Variants in ZNF320 observed in about 807,000 individuals in gnomAD.
ZNF320 encodes zinc finger gene 320.
A neutral mutation model predicts 6.8 loss-of-function variants in ZNF320; 2 were observed. The ratio of observed to expected loss-of-function variants is 0.29; its 90% CI spans 0.12 to 0.93. The LOEUF (loss-of-function observed/expected upper bound fraction) is 0.93. Among genes scored for constraint, ZNF320 ranks in the 40% least tolerant of loss-of-function variants. ZNF320 has a pLI of 0.55. For synonymous variants in ZNF320, 208 were observed against 203.2 expected, an observed-to-expected ratio of 1.02 and a Z score of -0.20; for missense variants, 472 against 611.0, an observed-to-expected ratio of 0.77 and a Z score of 2.40.
chr19:52,865,680 A>C (rs1260462562), intron 5 of ZNF320, among the ~76,000 whole-genome samples: 14 of 130,938 alleles, frequency 1.1e-4, no homozygotes, highest in African/African-American at 4.2e-4. Context: ...TTATATGATT[A>C]TACATATATA....
chr19:52,865,805 ATATATATGATTATACACATATATT>A (rs1568693420), intron 5 of ZNF320, among the ~76,000 whole-genome samples: 78 of 87,326 alleles, frequency 8.9e-4, no homozygotes, highest in African/African-American at 2.6e-3. Flanking sequence ...ACATATATTT[ATATATATGATTATACACATATATT>A]TATATATGAT....
intron 5 of ZNF320, among the ~76,000 whole-genome samples, chr19:52,865,794 C>G (rs1440467523): frequency 8.4e-6 from 1 of 118,562 alleles, no homozygotes; most frequent in Admixed American, 9.7e-5. Flanking sequence ...TATGATTATA[C>G]ACATATATTT....
downstream of ZNF320, among the ~76,000 whole-genome samples, chr19:52,871,893 G>C (rs1033726566): frequency 1.3e-5 from 2 of 152,200 alleles, no homozygotes; most frequent in African/African-American, 4.8e-5. Flanking sequence ...ATGTTACAAA[G>C]AGAGGAAGCA....
At chr19:52,886,251 G>C (rs1199529879) in intron 5 of ZNF320, among the ~76,000 whole-genome samples, 2 of 152,004 alleles carry the variant, frequency 1.3e-5, no homozygotes, top group Non-Finnish European at 2.9e-5. Flanking sequence ...TCTCCTGCCT[G>C]AGCCTCCTGA....
chr19:52,882,664 A>G (rs2063957993), intron 5 of ZNF320, among the ~76,000 whole-genome samples: 1 of 142,592 alleles, frequency 7.0e-6, no homozygotes, highest in Non-Finnish European at 1.5e-5. Context: ...AAAAAAAGGC[A>G]GGGGGTGGTG....
chr19:52,878,129 C>A lies in ZNF320; in HGVS notation c.*2467G>T. ...CAGACAGCATGAATATGTGTGCCAT[C>A]TCATATGCAATTCCTTATAGATCCA... On this transcript the variant is annotated 3_prime_UTR_variant, in exon 6 of 6. Coordinates refer to ENST00000682928, the MANE Select transcript of ZNF320 (RefSeq NM_001351774.2). 1 of 210,562 alleles carries A rather than the reference C, an allele frequency of 4.7e-6. No individual in the cohort carries two copies. The allele number at this position is 210,562 out of a possible 1,614,324, so 13.0% of individuals were successfully genotyped here.
exon 6 of ZNF320, chr19:52,862,265 G>T: frequency 1.5e-6 from 1 of 686,486 alleles, no homozygotes; most frequent in South Asian, 1.4e-5. Flanking sequence ...CATTACACTT[G>T]TAAGGTTTCT....
exon 6 of ZNF320, chr19:52,864,126 A>T: frequency 3.1e-6 from 1 of 324,138 alleles, no homozygotes; most frequent in South Asian, 3.1e-5. Flanking sequence ...AGCAAAGAGA[A>T]CTCTATAGCC....
At chr19:52,884,181 CTT>C (rs964986248) in intron 5 of ZNF320, among the ~76,000 whole-genome samples, 5 of 152,198 alleles carry the variant, frequency 3.3e-5, no homozygotes, top group African/African-American at 1.2e-4. Context: ...GGATTTCCCA[CTT>C]TCCAAATTCA....
intron 4 of ZNF320, among the ~76,000 whole-genome samples, chr19:52,889,736 A>C (rs370844343): frequency 3.5e-4 from 54 of 152,318 alleles, no homozygotes; most frequent in African/African-American, 1.2e-3. Context: ...TTCCATTCTA[A>C]TTAGTAAGAT....
chr19:52,871,753 A>G (rs940279116), downstream of ZNF320, among the ~76,000 whole-genome samples: 1 of 152,246 alleles, frequency 6.6e-6, no homozygotes, highest in Non-Finnish European at 1.5e-5. Context: ...AGGCAGCTGT[A>G]GCAATGAGAT....
intron 1 of ZNF320, among the ~76,000 whole-genome samples, chr19:52,896,581 C>T (rs1387477105): frequency 6.6e-6 from 1 of 151,940 alleles, no homozygotes; most frequent in Non-Finnish European, 1.5e-5. Context: ...TGGTGGCGCG[C>T]GGCTGTGGTC....
At chr19:52,899,498 T>A (rs535792930), upstream of ZNF320, among the ~76,000 whole-genome samples, 6 of 152,212 alleles carry the variant, frequency 3.9e-5, no homozygotes, top group African/African-American at 1.4e-4. Flanking sequence ...AGTCTCGCTC[T>A]GTCACCCAGG....
chr19:52,867,867 C>T (rs137915919), intron 5 of ZNF320, among the ~76,000 whole-genome samples: 2,412 of 152,254 alleles, frequency 0.016, 45 homozygotes, highest in Admixed American at 0.044. Context: ...CCGTCTCGGC[C>T]GCCCAAAGTA....
At chr19:52,890,173 C>T (rs1056080409) in intron 4 of ZNF320, 68 bp downstream of exon 4, 22 of 1,590,850 alleles carry the variant, frequency 1.4e-5, no homozygotes, top group African/African-American at 4.0e-5. Flanking sequence ...AGAGAAGATT[C>T]CCAACTCCAG....
chr19:52,889,697 C>G (rs1268926592), intron 4 of ZNF320, among the ~76,000 whole-genome samples: 3 of 152,048 alleles, frequency 2.0e-5, no homozygotes, highest in African/African-American at 7.2e-5. Context: ...TAGGATCATT[C>G]TTGTATCATT....
chr19:52,876,117 T>C (rs541699997), downstream of ZNF320: 400 of 152,248 alleles, frequency 2.6e-3, 1 homozygote, highest in African/African-American at 9.1e-3. Flanking sequence ...GGAAAGCTTA[T>C]TTAGCAGCTC....
chr19:52,867,059 T>C (rs1482323309), intron 5 of ZNF320, among the ~76,000 whole-genome samples: 1 of 151,642 alleles, frequency 6.6e-6, no homozygotes, highest in African/African-American at 2.4e-5. Context: ...ATTGATAAAC[T>C]GGGATCAGAG....
At chr19:52,869,087 G>A (rs2063632451) in intron 5 of ZNF320, among the ~76,000 whole-genome samples, 2 of 152,030 alleles carry the variant, frequency 1.3e-5, no homozygotes, top group South Asian at 2.1e-4. Context: ...ATGTAGGAGT[G>A]AACTTTGTGC....
Sources: gnomAD v4.1 joint callset for allele counts (sites outside exome capture counted in the v4.1 genomes callset) on GRCh38, gnomAD v4.1.1 for gene constraint, MANE v1.5 for transcripts, NCBI Gene and HGNC (gene_info 2026-07-23, HGNC 2026-07-21) for gene names.